The following WNK1 variants were observed in gnomAD, a reference collection of about 807,000 sequenced individuals.
WNK1 encodes WNK lysine deficient protein kinase 1, also known as serine/threonine-protein kinase WNK1.
WNK1 carries 38 observed loss-of-function variants against 222.8 expected under a neutral mutation model. The observed-to-expected ratio is 0.17, with a 90% CI of 0.13 to 0.22. The LOEUF is 0.22. WNK1 is among the 10% of genes least tolerant of loss of function. The pLI, the probability that WNK1 is intolerant of heterozygous loss-of-function variation, is 1.00. For synonymous variants in WNK1, 1,090 were observed against 1,092.9 expected (o/e 1.00, Z 0.05); for missense variants, 2,348 against 2,918.4 (o/e 0.80, Z 4.50).
chr12:869,178 A>G, intron 8 of WNK1: 1 of 1,550,468 alleles, frequency 6.4e-7, no homozygotes, highest in Non-Finnish European at 8.9e-7. Context: ...TCTATTCCTT[A>G]TTTCCCTGAA....
chr12:900,494 G>A lies in WNK1; in HGVS notation c.6467G>A (p.Ser2156Asn). ...TTGGCAGGTAACCTGTCTGGTCAGAGTGCAGCTTCAGTCTTGCACCCCCAG... is the reference window on the plus strand; with the variant it reads ...TTGGCAGGTAACCTGTCTGGTCAGAATGCAGCTTCAGTCTTGCACCCCCAG... ...PQLSGNLSGQ[S>N]AASVLHPQQT... Residue 2156 changes from serine (S) to asparagine (N), a missense_variant, in exon 26 of 28, where the codon AGT becomes AAT. Transcript: ENST00000315939. The A allele has an allele frequency of 6.2e-7, 1 of 1,614,180 alleles. No homozygotes were observed. The highest frequency in any genetic ancestry group is 8.5e-7 in the Non-Finnish European group (1 of 1,180,022).
intron 26 of WNK1, among the ~76,000 whole-genome samples, chr12:902,307 AAAAG>A (rs1226177380): frequency 2.0e-5 from 3 of 152,182 alleles, no homozygotes; most frequent in Admixed American, 1.3e-4. Context: ...TATCTCAAAA[AAAAG>A]AAACGAAATG....
At chr12:858,108 G>GT (rs1449273427) in intron 5 of WNK1, among the ~76,000 whole-genome samples, 1 of 151,282 alleles carries the variant, frequency 6.6e-6, no homozygotes, top group Non-Finnish European at 1.5e-5. Context: ...TAAAAATTTA[G>GT]TTTGAGTTTT....
Position 857,244 on chromosome 12 carries a change from T to A in WNK1, c.1395T>A (p.Asp465Glu). ...AAGGATGCATACGACAAAACAAAGA[T>A]GAAAGGTAAGTTGCCTCTTTTGATC... is the stretch of plus-strand genomic sequence containing the variant. ...IIEGCIRQNK[D>E]ERYSIKDLLN... Residue 465 changes from aspartate (D) to glutamate (E), a missense_variant, in exon 5 of 28, where the codon GAT becomes GAA. Coordinates refer to ENST00000315939, the MANE Select transcript of WNK1 (RefSeq NM_018979.4). The A allele has an allele frequency of 6.2e-7, 1 of 1,614,112 alleles. No homozygotes were observed. Among genetic ancestry groups the A allele is most frequent in the East Asian group, 2.2e-5 (1 of 44,860 alleles).
intron 4 of WNK1, among the ~76,000 whole-genome samples, chr12:835,959 A>C (rs1475118302): frequency 6.6e-6 from 1 of 152,182 alleles, no homozygotes; most frequent in East Asian, 1.9e-4. Flanking sequence ...CTAAAAAAAA[A>C]AAAAAATTGA....
At position 885,414 on chromosome 12, in the gene WNK1, C is replaced by A. The variant is rs764849814; in HGVS notation, c.4610C>A (p.Thr1537Lys). 6.2e-7 allele frequency: 1 copy of A among 1,613,744 alleles called. No individual in the cohort carries two copies. Among genetic ancestry groups the A allele is most frequent in the East Asian group, 2.2e-5 (1 of 44,886 alleles). The change falls in exon 19 of 28, where the codon ACA becomes AAA. Residue 1537 changes from threonine (T) to lysine (K), a missense_variant. Physicochemically the swap from Thr to Lys is moderately conservative, Grantham distance 78 (BLOSUM62 -1). Coordinates refer to ENST00000315939, the MANE Select transcript of WNK1 (RefSeq NM_018979.4). ...HSLDKTSHSSTTGLAFSLSAP... is the reference protein window; with the variant it reads ...HSLDKTSHSSKTGLAFSLSAP... ...CTAGATAAGACATCTCATAGCAGTA[C>A]AACTGGATTGGCTTTCTCCCTCTCT...
At chr12:863,662 C>A (rs1951389453) in intron 8 of WNK1, among the ~76,000 whole-genome samples, 1 of 151,968 alleles carries the variant, frequency 6.6e-6, no homozygotes, top group East Asian at 1.9e-4. Flanking sequence ...AGCCATTAAT[C>A]TAGCTATATT....
At chr12:772,517 G>A (rs1218157139) in intron 1 of WNK1, among the ~76,000 whole-genome samples, 1 of 151,928 alleles carries the variant, frequency 6.6e-6, no homozygotes, top group Admixed American at 6.6e-5. Flanking sequence ...GTATACATAC[G>A]TATGCACACA....
At chr12:779,410 CTTTT>C (rs71439359) in intron 1 of WNK1, among the ~76,000 whole-genome samples, 1 of 106,018 alleles carries the variant, frequency 9.4e-6, no homozygotes, top group African/African-American at 3.5e-5. Context: ...TTTTTTTTTT[CTTTT>C]TTTTTTTTGA....
At chr12:865,174 C>CA in intron 8 of WNK1, 1 of 1,508,114 alleles carries the variant, frequency 6.6e-7, no homozygotes, top group East Asian at 2.5e-5. Flanking sequence ...CTGTGTCCCG[C>CA]ATCTCTCCCA....
intron 4 of WNK1, among the ~76,000 whole-genome samples, chr12:833,670 G>A (rs1432453192): frequency 6.6e-6 from 1 of 152,078 alleles, no homozygotes; most frequent in Non-Finnish European, 1.5e-5. Flanking sequence ...TTGTTTATTA[G>A]TGGTTATTCT....
intron 2 of WNK1, among the ~76,000 whole-genome samples, chr12:814,711 C>T (rs73602291): frequency 0.023 from 3,554 of 152,186 alleles, 144 homozygotes; most frequent in African/African-American, 0.081. Flanking sequence ...GGATTGGTTT[C>T]ATGGAAGACA....
chr12:827,290 G>A lies in WNK1; in HGVS notation c.1153+28G>A. The A allele has an allele frequency of 6.3e-7, 1 of 1,593,544 alleles. No individual in the cohort carries two copies. The highest frequency in any genetic ancestry group is 8.6e-7 in the Non-Finnish European group (1 of 1,161,526). ...ATGTTTCAGGTGTACCTTGGAGCCT[G>A]ACTGGCTTTCTCACATTCCTTTTAT... On this transcript the variant is annotated intron_variant, in intron 3 of 27. Coordinates refer to ENST00000315939, the MANE Select transcript of WNK1 (RefSeq NM_018979.4). This position sits in a 1 kb window ranked among gnomAD's most constrained non-coding sequence, Gnocchi z 4.6.
At chr12:818,531 A>G (rs1333476775) in intron 2 of WNK1, among the ~76,000 whole-genome samples, 1 of 152,174 alleles carries the variant, frequency 6.6e-6, no homozygotes, top group East Asian at 1.9e-4. Context: ...AACCATTTTT[A>G]AGTGTATAGT....
chr12:771,018 G>C (rs1437225122), intron 1 of WNK1, among the ~76,000 whole-genome samples: 1 of 151,536 alleles, frequency 6.6e-6, no homozygotes, highest in Admixed American at 6.6e-5. Context: ...TTTTGGAGAC[G>C]GAGTCTTCGC....
intron 1 of WNK1, among the ~76,000 whole-genome samples, chr12:776,977 T>C (rs960048526): frequency 6.6e-6 from 1 of 152,208 alleles, no homozygotes; most frequent in Admixed American, 6.5e-5. Flanking sequence ...GTGTTGAAGA[T>C]AAAAAGACTG....
At chr12:876,148 G>A (rs953026019) in intron 9 of WNK1, among the ~76,000 whole-genome samples, 14 of 152,102 alleles carry the variant, frequency 9.2e-5, no homozygotes, top group Admixed American at 1.3e-4. Context: ...GGTGGCTCAC[G>A]CCTGTAATCC....
intron 26 of WNK1, chr12:906,875 A>C (rs1207739512): frequency 1.9e-6 from 1 of 522,420 alleles, no homozygotes; most frequent in Non-Finnish European, 2.5e-6. Context: ...TCTATATAAA[A>C]AAGTAAAAAA....
intron 4 of WNK1, 114 bp from the exon 5 acceptor site, chr12:857,047 A>C: frequency 9.1e-7 from 1 of 1,101,832 alleles, no homozygotes; most frequent in South Asian, 1.3e-5. Flanking sequence ...CAGGCGAGTC[A>C]GAAAAAAAGC....
Sources: gnomAD v4.1 joint callset for allele counts (sites outside exome capture counted in the v4.1 genomes callset) on GRCh38, gnomAD v4.1.1 for gene constraint, Gnocchi (gnomAD v3.1) non-coding constraint, MANE v1.5 for transcripts, NCBI Gene and HGNC (gene_info 2026-07-23, HGNC 2026-07-21) for gene names.